Variants in SAMMSON observed in about 807,000 individuals in gnomAD.
SAMMSON encodes the protein long intergenic non-protein coding RNA 1212.
intron 3 of SAMMSON, among the ~76,000 whole-genome samples, chr3:70,032,120 A>G (rs2067068408): frequency 6.6e-6 from 1 of 152,146 alleles, no homozygotes; most frequent in Admixed American, 6.6e-5. Context: ...TGGGAACATG[A>G]TTCTTTTAGG....
chr3:70,283,391 G>T (rs558782267), intron 6 of SAMMSON, among the ~76,000 whole-genome samples: 1 of 152,226 alleles, frequency 6.6e-6, no homozygotes, highest in South Asian at 2.1e-4. Flanking sequence ...GATGGTTATT[G>T]TTCAGGCTGA....
At chr3:70,017,315 T>C (rs535907300) in intron 3 of SAMMSON, among the ~76,000 whole-genome samples, 19 of 152,200 alleles carry the variant, frequency 1.2e-4, no homozygotes, top group Admixed American at 5.9e-4. Flanking sequence ...CCCTTGTAAG[T>C]TGGATTCCTA....
downstream of SAMMSON, among the ~76,000 whole-genome samples, chr3:70,391,776 G>A (rs1279265749): frequency 6.6e-6 from 1 of 152,140 alleles, no homozygotes; most frequent in Non-Finnish European, 1.5e-5. Context: ...TAGTTATACA[G>A]TTAAACTTGC....
chr3:70,125,538 C>T (rs1214879723), intron 4 of SAMMSON: 5 of 695,528 alleles, frequency 7.2e-6, no homozygotes, highest in African/African-American at 7.1e-5. Flanking sequence ...TTTCCAAATC[C>T]TATACTGGAT....
chr3:70,337,799 G>T (rs577854114), intron 7 of SAMMSON, among the ~76,000 whole-genome samples: 1 of 151,376 alleles, frequency 6.6e-6, no homozygotes, highest in Non-Finnish European at 1.5e-5. Context: ...AATGTTTATC[G>T]CTTTATCTTT....
intron 4 of SAMMSON, among the ~76,000 whole-genome samples, chr3:70,217,950 C>T (rs927172379): frequency 2.0e-5 from 3 of 152,020 alleles, no homozygotes; most frequent in African/African-American, 7.2e-5. Context: ...TATACAGAGG[C>T]CTTGGAGAGG....
At chr3:70,124,941 T>C (rs1233110613) in intron 4 of SAMMSON, 2 of 563,458 alleles carry the variant, frequency 3.5e-6, no homozygotes, top group African/African-American at 3.8e-5. Context: ...CATATGTATT[T>C]AATTTTTAAA....
At chr3:70,393,748 A>G (rs1701068924), downstream of SAMMSON, among the ~76,000 whole-genome samples, 1 of 152,012 alleles carries the variant, frequency 6.6e-6, no homozygotes. Flanking sequence ...GTGGAAATAA[A>G]CTTCACTGTT....
chr3:70,388,283 A>G (rs963504182), intron 9 of SAMMSON, among the ~76,000 whole-genome samples: 5 of 152,224 alleles, frequency 3.3e-5, no homozygotes, highest in South Asian at 4.1e-4. Context: ...TGTATTATCT[A>G]TGTCTGCTTT....
chr3:70,364,882 T>C (rs55776322), intron 9 of SAMMSON, among the ~76,000 whole-genome samples: 16,438 of 151,756 alleles, frequency 0.11, 1,443 homozygotes, highest in East Asian at 0.54. Flanking sequence ...TTTTCCCTTA[T>C]ATTCCTTCTA....
intron 4 of SAMMSON, among the ~76,000 whole-genome samples, chr3:70,181,491 C>A (rs913139782): frequency 1.1e-4 from 16 of 152,206 alleles, no homozygotes; most frequent in African/African-American, 3.6e-4. Context: ...CTGCTTCCTA[C>A]AAGTGTGACT....
chr3:70,145,336 C>T (rs1239710667), intron 4 of SAMMSON, among the ~76,000 whole-genome samples: 2 of 152,108 alleles, frequency 1.3e-5, no homozygotes, highest in South Asian at 2.1e-4. Context: ...AACTGAACAA[C>T]ACTATCAACC....
At chr3:70,271,060 A>G (rs1191107695) in intron 6 of SAMMSON, among the ~76,000 whole-genome samples, 1 of 152,216 alleles carries the variant, frequency 6.6e-6, no homozygotes, top group African/African-American at 2.4e-5. Context: ...TGAAAATAAA[A>G]AAAAACAGTA....
intron 7 of SAMMSON, among the ~76,000 whole-genome samples, chr3:70,350,078 AC>A (rs2106734204): frequency 6.6e-6 from 1 of 152,362 alleles, no homozygotes; most frequent in South Asian, 2.1e-4. Context: ...TGCTGGTGAC[AC>A]ACTATGATCC....
At position 70,001,730 on chromosome 3, in the gene SAMMSON, G is replaced by A. The variant is rs1234970066; in HGVS notation, n.22+1863G>A. On this transcript the variant is annotated intron_variant and non_coding_transcript_variant, in intron 1 of 9. Transcript: ENST00000642114. The stretch of plus-strand genomic sequence containing the variant: ...GTCCCCTGTCCTCAAGTAGCCAATG[G>A]TTAGGTATGCAACCCAGCTTATCTC... Among the ~76,000 whole-genome samples, 7 of 152,196 alleles carry A rather than the reference G, an allele frequency of 4.6e-5. No homozygotes were observed. In the East Asian group the frequency reaches 7.8e-4, roughly 17 times the overall value.
intron 3 of SAMMSON, among the ~76,000 whole-genome samples, chr3:70,022,458 T>C (rs1190928280): frequency 1.3e-5 from 2 of 150,428 alleles, no homozygotes; most frequent in East Asian, 3.9e-4. Context: ...AAAGAAATTG[T>C]ATTGTGATAC....
chr3:70,262,770 G>C (rs942138223), intron 6 of SAMMSON, among the ~76,000 whole-genome samples: 12 of 152,068 alleles, frequency 7.9e-5, no homozygotes, highest in South Asian at 2.1e-4. Flanking sequence ...AAGATCTTTA[G>C]TTGTTATTTC....
At chr3:70,324,100 C>T (rs747965889) in intron 7 of SAMMSON, among the ~76,000 whole-genome samples, 2 of 152,078 alleles carry the variant, frequency 1.3e-5, no homozygotes, top group African/African-American at 2.4e-5. Flanking sequence ...ACTGTTTAAC[C>T]AGCTCCCCAA....
At chr3:70,247,742 G>A (rs368608007) in intron 4 of SAMMSON, among the ~76,000 whole-genome samples, 1 of 151,928 alleles carries the variant, frequency 6.6e-6, no homozygotes, top group East Asian at 1.9e-4. Flanking sequence ...TATAAAGCAA[G>A]TGGGACCAAG....
Sources: gnomAD v4.1 joint callset for allele counts (sites outside exome capture counted in the v4.1 genomes callset) on GRCh38, gnomAD v4.1.1 for gene constraint, MANE v1.5 for transcripts, NCBI Gene and HGNC (gene_info 2026-07-23, HGNC 2026-07-21) for gene names.